The following PTK2 variants were observed in gnomAD, a reference collection of about 807,000 sequenced individuals.
The protein encoded by PTK2 is focal adhesion kinase 1.
A neutral mutation model predicts 150.1 loss-of-function variants in PTK2; 45 were observed. That is an observed-to-expected ratio of 0.30 (90% CI 0.24 to 0.38). The LOEUF is 0.38. Ranked by LOEUF, PTK2 falls within the 10% of genes least tolerant of loss-of-function variation. PTK2 has a pLI of 1.00. For missense variants in PTK2, 919 were observed against 1,307.3 expected, an observed-to-expected ratio of 0.70 and a Z score of 4.58; for synonymous variants, 432 against 449.2, an observed-to-expected ratio of 0.96 and a Z score of 0.48.
At chr8:140,960,600 T>C (rs1487920696) in intron 1 of PTK2, among the ~76,000 whole-genome samples, 1 of 152,218 alleles carries the variant, frequency 6.6e-6, no homozygotes, top group African/African-American at 2.4e-5. Context: ...AAAGAAAGCA[T>C]GATCTCATAC....
intron 1 of PTK2, among the ~76,000 whole-genome samples, chr8:140,987,005 A>G (rs958456326): frequency 1.3e-5 from 2 of 152,162 alleles, no homozygotes; most frequent in African/African-American, 4.8e-5. Flanking sequence ...TAAAGCAACA[A>G]ACTCATAAAT....
intron 31 of PTK2, chr8:140,662,674 C>A: frequency 1.7e-6 from 1 of 572,270 alleles, no homozygotes; most frequent in South Asian, 2.2e-5. Flanking sequence ...GGAGTTGTGT[C>A]CAACCGTCCT....
At chr8:140,700,293 A>G (rs572030109) in intron 26 of PTK2, among the ~76,000 whole-genome samples, 70 of 152,178 alleles carry the variant, frequency 4.6e-4, no homozygotes, top group Non-Finnish European at 3.5e-4. Context: ...TTAGCCTCTC[A>G]AATATTTGGG....
At chr8:140,902,252 C>A (rs965978270) in intron 2 of PTK2, among the ~76,000 whole-genome samples, 1 of 151,836 alleles carries the variant, frequency 6.6e-6, no homozygotes, top group African/African-American at 2.4e-5. Context: ...CAGGGCTGGT[C>A]TCAAACTCCT....
chr8:140,759,368 T>TA (rs1008006608), intron 16 of PTK2, among the ~76,000 whole-genome samples: 7 of 150,704 alleles, frequency 4.6e-5, no homozygotes, highest in East Asian at 3.9e-4. Flanking sequence ...ACCCTGTCTC[T>TA]AAAAAAAATA....
chr8:140,729,120 T>TTTA (rs1196532541), intron 22 of PTK2, among the ~76,000 whole-genome samples: 1 of 152,228 alleles, frequency 6.6e-6, no homozygotes, highest in African/African-American at 2.4e-5. Flanking sequence ...TGAGCTAAGC[T>TTTA]ATAACCCTGA....
chr8:140,878,894 T>C (rs916354834), intron 4 of PTK2, among the ~76,000 whole-genome samples: 2 of 150,612 alleles, frequency 1.3e-5, no homozygotes, highest in Non-Finnish European at 3.0e-5. Flanking sequence ...AGAACAATTA[T>C]AGGGAATTCT....
intron 14 of PTK2, 93 bp from the exon 17 acceptor site, chr8:140,764,383 ATCCTC>A (rs768424322): frequency 1.1e-6 from 1 of 938,288 alleles, no homozygotes; most frequent in Non-Finnish European, 1.7e-6. Context: ...ATCTGCTTAA[ATCCTC>A]TACTACGCTG....
intron 7 of PTK2, among the ~76,000 whole-genome samples, chr8:140,838,875 G>A (rs1262945778): frequency 3.3e-5 from 5 of 151,826 alleles, no homozygotes; most frequent in East Asian, 1.9e-4. Context: ...GCATGGTGGC[G>A]GGCACCTGTA....
At chr8:140,932,938 G>C (rs1290236430) in intron 1 of PTK2, among the ~76,000 whole-genome samples, 3 of 151,552 alleles carry the variant, frequency 2.0e-5, no homozygotes, top group Non-Finnish European at 4.4e-5. Flanking sequence ...TGTAACCTCT[G>C]CTTCCTGGGT....
chr8:140,737,814 C>T (rs2100053468), intron 21 of PTK2, among the ~76,000 whole-genome samples: 1 of 152,158 alleles, frequency 6.6e-6, no homozygotes, highest in African/African-American at 2.4e-5. Flanking sequence ...CATGAAATTT[C>T]TCTGAAAGGA....
At chr8:140,808,739 T>G (rs1486974890) in intron 10 of PTK2, among the ~76,000 whole-genome samples, 1 of 145,102 alleles carries the variant, frequency 6.9e-6, no homozygotes, top group Non-Finnish European at 1.5e-5. Context: ...TCTTGTTTTT[T>G]TTTTTTTTTT....
At chr8:140,781,370 G>C (rs1035194106) in intron 14 of PTK2, among the ~76,000 whole-genome samples, 1 of 152,132 alleles carries the variant, frequency 6.6e-6, no homozygotes, top group Non-Finnish European at 1.5e-5. Context: ...TGGTTCATAA[G>C]CCAAGTATAC....
At chr8:140,797,528 C>T (rs2100092435) in intron 12 of PTK2, among the ~76,000 whole-genome samples, 2 of 152,140 alleles carry the variant, frequency 1.3e-5, no homozygotes, top group Admixed American at 6.6e-5. Context: ...CATTCACTCC[C>T]TCCCTTGAAA....
At chr8:140,878,149 T>C (rs533509790) in intron 4 of PTK2, among the ~76,000 whole-genome samples, 6 of 152,348 alleles carry the variant, frequency 3.9e-5, no homozygotes, top group South Asian at 2.1e-4. Flanking sequence ...GACTAAATAG[T>C]TGGAAGTCAA....
intron 17 of PTK2, among the ~76,000 whole-genome samples, chr8:140,748,487 ACT>A (rs1163275017): frequency 3.5e-5 from 4 of 112,800 alleles, no homozygotes; most frequent in African/African-American, 1.7e-4. Context: ...ACAGACTGAG[ACT>A]CTGTCTCAAA....
Position 140,825,307 on chromosome 8 carries a change from G to A in PTK2, c.648+5165C>T, listed in dbSNP as rs145264510. 7.2e-5 allele frequency among the ~76,000 whole-genome samples: 11 copies of A among 152,250 alleles called. No homozygotes were observed. The East Asian group carries it at 2.1e-3, about 29-fold the overall frequency. The stretch of plus-strand genomic sequence containing the variant: ...CAGCAGATAACAGGAATTCACTGCT[G>A]AACATCGTACCAAGATATGCATTTC... On this transcript the variant is annotated intron_variant, in intron 8 of 31. Coordinates refer to ENST00000522684, the Ensembl canonical transcript of PTK2.
intron 4 of PTK2, among the ~76,000 whole-genome samples, chr8:140,877,157 A>C (rs1447743985): frequency 6.7e-6 from 1 of 148,184 alleles, no homozygotes; most frequent in Non-Finnish European, 1.5e-5. Context: ...CTCAGCCTCC[A>C]ATGTAGCTGG....
At chr8:140,978,467 T>C (rs1469465856) in intron 1 of PTK2, among the ~76,000 whole-genome samples, 1 of 152,094 alleles carries the variant, frequency 6.6e-6, no homozygotes, top group African/African-American at 2.4e-5. Flanking sequence ...AACAGACACT[T>C]CTCAAAAGAA....
Sources: allele counts gnomAD v4.1 joint callset (sites outside exome capture counted in the v4.1 genomes callset), GRCh38; gene constraint gnomAD v4.1.1; transcripts MANE v1.5; gene names NCBI Gene and HGNC (gene_info 2026-07-23, HGNC 2026-07-21).